METTL15: variants seen among roughly 807,000 people sequenced by gnomAD.
METTL15 encodes the protein methyltransferase 15, mitochondrial 12S rRNA N4-cytidine.
Under a neutral mutation model 38.3 loss-of-function variants are expected in METTL15, and 34 were observed. The ratio of observed to expected loss-of-function variants is 0.89; its 90% CI spans 0.68 to 1.18. METTL15 has a LOEUF of 1.18. Among genes scored for constraint, METTL15 ranks in the 50% most tolerant of loss-of-function variants. The pLI, the probability that METTL15 is intolerant of heterozygous loss-of-function variation, is 0.00. For synonymous variants in METTL15, 162 were observed against 170.9 expected, an observed-to-expected ratio of 0.95 and a Z score of 0.41; for missense variants, 438 against 498.4, an observed-to-expected ratio of 0.88 and a Z score of 1.15.
chr11:28,375,823 T>C (rs1010800142), intron 5 of METTL15, among the ~76,000 whole-genome samples: 2 of 151,900 alleles, frequency 1.3e-5, no homozygotes, highest in African/African-American at 4.8e-5. Context: ...AATTTCCCTC[T>C]ACACACTGCT....
At chr11:28,375,604 T>G (rs1463327764) in intron 5 of METTL15, among the ~76,000 whole-genome samples, 2 of 152,188 alleles carry the variant, frequency 1.3e-5, no homozygotes, top group African/African-American at 4.8e-5. Context: ...TTGTTGATCC[T>G]TTCAAAAAAC....
intron 4 of METTL15, among the ~76,000 whole-genome samples, chr11:28,273,233 T>C (rs1855715172): frequency 6.6e-6 from 1 of 152,122 alleles, no homozygotes; most frequent in South Asian, 2.1e-4. Context: ...CTGATTTTCT[T>C]AAAGATCTCA....
intron 5 of METTL15, among the ~76,000 whole-genome samples, chr11:28,365,475 A>C (rs145474616): frequency 6.6e-6 from 1 of 152,246 alleles, no homozygotes; most frequent in Non-Finnish European, 1.5e-5. Flanking sequence ...TGTTTATAAT[A>C]GTCTCTGAAG....
At chr11:28,483,071 A>G (rs1377089677) in intron 6 of METTL15, among the ~76,000 whole-genome samples, 1 of 152,094 alleles carries the variant, frequency 6.6e-6, no homozygotes, top group Non-Finnish European at 1.5e-5. Context: ...GTCCCAAACC[A>G]GGAACTGTAT....
chr11:28,234,575 A>T (rs1409075280), intron 4 of METTL15, among the ~76,000 whole-genome samples: 1 of 151,410 alleles, frequency 6.6e-6, no homozygotes, highest in African/African-American at 2.4e-5. Context: ...GCATTTTTTC[A>T]TGTGTCTTTT....
At chr11:28,191,632 C>A (rs2133803310) in intron 3 of METTL15, among the ~76,000 whole-genome samples, 1 of 151,322 alleles carries the variant, frequency 6.6e-6, no homozygotes, top group Non-Finnish European at 1.5e-5. Context: ...TTATGAACTC[C>A]AAGTATTATA....
At chr11:28,244,957 G>T (rs1854449307) in intron 4 of METTL15, among the ~76,000 whole-genome samples, 1 of 152,114 alleles carries the variant, frequency 6.6e-6, no homozygotes, top group South Asian at 2.1e-4. Context: ...AAAAATCTTT[G>T]TGCAGCCTGC....
intron 4 of METTL15, among the ~76,000 whole-genome samples, chr11:28,231,400 C>T (rs927366400): frequency 3.3e-5 from 5 of 151,740 alleles, no homozygotes; most frequent in Non-Finnish European, 7.4e-5. Context: ...AATAAGATAT[C>T]GCTGATTAAG....
At chr11:28,521,802 C>A (rs1191725397) in intron 6 of METTL15, among the ~76,000 whole-genome samples, 4 of 152,036 alleles carry the variant, frequency 2.6e-5, no homozygotes, top group Non-Finnish European at 4.4e-5. Flanking sequence ...CTTTCTTTGC[C>A]CCACTCTTGC....
intron 6 of METTL15, among the ~76,000 whole-genome samples, chr11:28,511,010 A>G (rs1394995644): frequency 2.0e-5 from 3 of 152,202 alleles, no homozygotes; most frequent in Non-Finnish European, 4.4e-5. Flanking sequence ...CTAGTGATGT[A>G]TCGTAGACTT....
At chr11:28,223,425 C>T (rs1382239535) in intron 4 of METTL15, among the ~76,000 whole-genome samples, 2 of 151,920 alleles carry the variant, frequency 1.3e-5, no homozygotes, top group Non-Finnish European at 2.9e-5. Context: ...AATAATGGAT[C>T]GATCAATGGA....
chr11:28,504,798 C>A (rs987964555), intron 6 of METTL15, among the ~76,000 whole-genome samples: 3 of 152,190 alleles, frequency 2.0e-5, no homozygotes, highest in Non-Finnish European at 2.9e-5. Flanking sequence ...TGAACTCATT[C>A]GAATGTTTAA....
intron 5 of METTL15, among the ~76,000 whole-genome samples, chr11:28,391,360 G>T (rs909670959): frequency 6.6e-6 from 1 of 152,032 alleles, no homozygotes; most frequent in African/African-American, 2.4e-5. Flanking sequence ...GATATTGGCT[G>T]TGGGTTTGTC....
At chr11:28,273,732 A>G (rs991414035) in intron 4 of METTL15, among the ~76,000 whole-genome samples, 3 of 152,116 alleles carry the variant, frequency 2.0e-5, no homozygotes, top group Non-Finnish European at 2.9e-5. Flanking sequence ...TAGTAAATGG[A>G]CTAAAGATAT....
intron 4 of METTL15, among the ~76,000 whole-genome samples, chr11:28,274,337 C>A (rs1414858294): frequency 2.0e-5 from 3 of 151,950 alleles, no homozygotes; most frequent in Non-Finnish European, 4.4e-5. Context: ...CCATAATATT[C>A]TTCTTATGTA....
At chr11:28,432,880 A>G (rs1203472901) in intron 6 of METTL15, among the ~76,000 whole-genome samples, 1 of 151,900 alleles carries the variant, frequency 6.6e-6, no homozygotes, top group Non-Finnish European at 1.5e-5. Flanking sequence ...TTTCTTAGCA[A>G]CAAACTCCCA....
chr11:28,123,132 A>G (rs1414366026), intron 3 of METTL15, among the ~76,000 whole-genome samples: 1 of 152,142 alleles, frequency 6.6e-6, no homozygotes, highest in Admixed American at 6.6e-5. Flanking sequence ...TGAGAAGCTC[A>G]TAGAAAGAAA....
intron 6 of METTL15, among the ~76,000 whole-genome samples, chr11:28,306,378 G>A (rs1489587619): frequency 6.6e-6 from 1 of 152,020 alleles, no homozygotes; most frequent in African/African-American, 2.4e-5. Flanking sequence ...TAAAAATGAA[G>A]AAAGATTATT....
chr11:28,222,087 C>A (rs571926702), intron 4 of METTL15, among the ~76,000 whole-genome samples: 1 of 152,186 alleles, frequency 6.6e-6, no homozygotes, highest in African/African-American at 2.4e-5. Flanking sequence ...AGCTGTCAGA[C>A]AGGGATATTT....
Sources: allele counts gnomAD v4.1 joint callset (sites outside exome capture counted in the v4.1 genomes callset), GRCh38; gene constraint gnomAD v4.1.1; transcripts MANE v1.5; gene names NCBI Gene and HGNC (gene_info 2026-07-23, HGNC 2026-07-21).